KIAA0232: variants seen among roughly 807,000 people sequenced by gnomAD.
KIAA0232 encodes the protein uncharacterized protein KIAA0232.
In KIAA0232, 27 loss-of-function variants were observed where a neutral mutation model predicts 122.0. The ratio of observed to expected loss-of-function variants is 0.22; its 90% confidence interval spans 0.16 to 0.31. The LOEUF is 0.31. KIAA0232 is among the 10% of genes least tolerant of loss of function. The pLI is 1.00. For synonymous variants in KIAA0232, 613 were observed against 587.6 expected, an observed-to-expected ratio of 1.04 and a Z score of -0.63; for missense variants, 1,551 against 1,634.2, an observed-to-expected ratio of 0.95 and a Z score of 0.88.
intron 2 of KIAA0232, among the ~76,000 whole-genome samples, chr4:6,806,279 A>C (rs1031800792): frequency 6.6e-6 from 1 of 152,230 alleles, no homozygotes; most frequent in Admixed American, 6.5e-5. Context: ...CTGTAAAAAA[A>C]AATTTTTAAT....
At chr4:6,864,353 A>G (rs1269383360) in intron 7 of KIAA0232, among the ~76,000 whole-genome samples, 170 bp downstream of exon 7, 4 of 152,232 alleles carry the variant, frequency 2.6e-5, no homozygotes, top group Non-Finnish European at 5.9e-5. Flanking sequence ...TGGATTTGAT[A>G]TTTATGAATT....
intron 1 of KIAA0232, among the ~76,000 whole-genome samples, chr4:6,793,404 T>C (rs1462314983): frequency 6.6e-6 from 1 of 152,222 alleles, no homozygotes; most frequent in African/African-American, 2.4e-5. Context: ...AAGTTGGTAC[T>C]GAACTGTAGT....
intron 1 of KIAA0232, among the ~76,000 whole-genome samples, chr4:6,789,034 G>A (rs1432372627): frequency 6.6e-6 from 1 of 151,774 alleles, no homozygotes; most frequent in Non-Finnish European, 1.5e-5. Context: ...GCAGTGGCGC[G>A]ATCTCGGCTC....
intron 2 of KIAA0232, among the ~76,000 whole-genome samples, chr4:6,822,602 A>T (rs1288736062): frequency 6.6e-6 from 1 of 152,158 alleles, no homozygotes; most frequent in African/African-American, 2.4e-5. Flanking sequence ...TTGTAAATTA[A>T]CCAGAACTCT....
intron 1 of KIAA0232, among the ~76,000 whole-genome samples, chr4:6,799,200 C>G (rs946658596): frequency 9.2e-5 from 14 of 151,400 alleles, no homozygotes; most frequent in African/African-American, 3.2e-4. Flanking sequence ...GTGGGATTCT[C>G]CCCTGCATGT....
At chr4:6,827,867 A>G (rs1718774921) in intron 3 of KIAA0232, among the ~76,000 whole-genome samples, 1 of 152,036 alleles carries the variant, frequency 6.6e-6, no homozygotes, top group African/African-American at 2.4e-5. Context: ...ATTTCCATAA[A>G]TGTTTCTTCT....
At chr4:6,801,564 G>A (rs536911294) in intron 1 of KIAA0232, among the ~76,000 whole-genome samples, 12 of 151,482 alleles carry the variant, frequency 7.9e-5, no homozygotes, top group South Asian at 4.2e-4. Flanking sequence ...CACACTTGTC[G>A]TCTTAGCTAC....
chr4:6,824,831 G>T, intron 3 of KIAA0232, 147 bp downstream of exon 3: 1 of 686,402 alleles, frequency 1.5e-6, no homozygotes, highest in South Asian at 1.8e-5. Context: ...TGGTAAGATT[G>T]CCTTGGAGTG....
chr4:6,855,958 T>G lies in KIAA0232; in HGVS notation c.370-1206T>G, dbSNP rs1011376025. The G allele has an allele frequency of 1.3e-5, 8 of 610,220 alleles. No individual in the cohort carries two copies. In the African/African-American group the frequency reaches 1.6e-4, roughly 12 times the overall value. 37.8% of individuals were successfully genotyped at this position (610,220 alleles called of 1,614,324 possible). On this transcript the variant is annotated intron_variant, in intron 4 of 9. Transcript: ENST00000307659. This position sits in a 1 kb window ranked among gnomAD's most constrained non-coding sequence, Gnocchi z 4.3. ...TTGAACAGTGTTTATGACTAATATCTGCCATCGTTTTTAAGAGTGTTTTTA... is the reference window on the plus strand; with the variant it reads ...TTGAACAGTGTTTATGACTAATATCGGCCATCGTTTTTAAGAGTGTTTTTA...
intron 9 of KIAA0232, among the ~76,000 whole-genome samples, chr4:6,877,720 G>A (rs543741983): frequency 6.6e-5 from 10 of 152,170 alleles, no homozygotes; most frequent in South Asian, 4.2e-4. Flanking sequence ...TTCTAGCCAC[G>A]CTGGCAGCTG....
At chr4:6,871,816 C>T (rs2108831915) in intron 8 of KIAA0232, 134 bp downstream of exon 8, 1 of 617,414 alleles carries the variant, frequency 1.6e-6, no homozygotes, top group East Asian at 2.8e-5. Flanking sequence ...CTTTGTCATG[C>T]ACTGGGGACA....
rs528211503 is a variant in KIAA0232, at chr4:6,869,691, G to A, written c.3802-1883G>A. On this transcript the variant is annotated intron_variant, in intron 7 of 9. Transcript: ENST00000307659. ...AATTCTTCTTCAGTTTCTGACTTAG[G>A]AGTGTTTCCGAAAAGTTAAGTGAAA... 9.2e-5 allele frequency among the ~76,000 whole-genome samples: 14 copies of A among 152,306 alleles called. No homozygotes were observed. The South Asian group carries it at 2.7e-3, about 29-fold the overall frequency.
intron 3 of KIAA0232, among the ~76,000 whole-genome samples, chr4:6,830,403 CTTTTTTTTTTTT>C (rs10714574): frequency 3.0e-4 from 23 of 75,546 alleles, no homozygotes; most frequent in African/African-American, 1.0e-3. Context: ...TCTCTGTTGT[CTTTTTTTTTTTT>C]TTTTTTTTTT....
chr4:6,830,285 C>T (rs1249093392), intron 3 of KIAA0232, among the ~76,000 whole-genome samples: 1 of 152,044 alleles, frequency 6.6e-6, no homozygotes, highest in Non-Finnish European at 1.5e-5. Flanking sequence ...AATTTTGGAG[C>T]ATTTACTGGT....
intron 2 of KIAA0232, among the ~76,000 whole-genome samples, chr4:6,818,015 A>C (rs1718217192): frequency 6.6e-6 from 1 of 152,074 alleles, no homozygotes; most frequent in African/African-American, 2.4e-5. Flanking sequence ...GTTAGTGTAA[A>C]ATTTTTTCTC....
rs112843703 is a variant in KIAA0232, at chr4:6,878,379, TCATA to T, written c.4008+1655_4008+1658del. 3.9e-3 allele frequency among the ~76,000 whole-genome samples: 580 copies of T among 149,312 alleles called. 1 individual carries two copies. The highest frequency in any genetic ancestry group is 6.4e-3 in the Non-Finnish European group (436 of 67,634). ...GACAGAGCAAAACTCCATCATTCATTCATACATACATACATACATACATACATAC... is the reference window on the plus strand; with the variant it reads ...GACAGAGCAAAACTCCATCATTCATTCATACATACATACATACATACATAC... On this transcript the variant is annotated intron_variant, in intron 9 of 9. Coordinates refer to ENST00000307659, the MANE Select transcript of KIAA0232 (RefSeq NM_014743.3).
At chr4:6,880,750 A>G in intron 9 of KIAA0232, 37 bp from the exon 10 acceptor site, 1 of 1,428,802 alleles carries the variant, frequency 7.0e-7, no homozygotes. Flanking sequence ...GGGAAAAAAA[A>G]GTCTTTTTGA....
At chr4:6,835,240 A>G (rs575828702) in intron 3 of KIAA0232, among the ~76,000 whole-genome samples, 5 of 152,212 alleles carry the variant, frequency 3.3e-5, no homozygotes, top group Admixed American at 1.3e-4. Flanking sequence ...AGAATCAGGT[A>G]GAAGCTTAAG....
chr4:6,861,770 G>A lies in KIAA0232; in HGVS notation c.1388G>A (p.Gly463Asp), dbSNP rs761025258. 5 of 1,614,108 alleles carry A rather than the reference G, an allele frequency of 3.1e-6. No individual in the cohort carries two copies. The highest frequency in any genetic ancestry group is 2.2e-5 in the South Asian group (2 of 91,068). ...NNLHKTYLAA[G>D]TFIDGHFVEM... ...CTTCATAAAACATACCTCGCAGCAG[G>A]TACTTTCATTGATGGTCATTTTGTA... The change falls in exon 7 of 10, where the codon GGT (glycine) becomes GAT (aspartate). Residue 463 changes from glycine to aspartate, a missense_variant. Gly to Asp is a moderately conservative substitution (Grantham distance 94). Transcript: ENST00000307659.
Sources: gnomAD v4.1 joint callset for allele counts (sites outside exome capture counted in the v4.1 genomes callset) on GRCh38, gnomAD v4.1.1 for gene constraint, Gnocchi (gnomAD v3.1) non-coding constraint, MANE v1.5 for transcripts, NCBI Gene and HGNC (gene_info 2026-07-23, HGNC 2026-07-21) for gene names.